Variants in GALNT9 observed in about 807,000 individuals in gnomAD.
The protein encoded by GALNT9 is GalNAc transferase 9.
A neutral mutation model predicts 63.1 loss-of-function variants in GALNT9; 47 were observed. That is an observed-to-expected ratio of 0.75 (90% CI 0.59 to 0.95). The LOEUF (loss-of-function observed/expected upper bound fraction) is 0.95. Among genes scored for constraint, GALNT9 ranks in the 40% least tolerant of loss-of-function variants. GALNT9 has a pLI of 0.00. For missense variants in GALNT9, 829 were observed against 874.8 expected (o/e 0.95, Z 0.66); for synonymous variants, 396 against 365.7 (o/e 1.08, Z -0.94).
chr12:132,328,427 C>T (rs1456510647), intron 1 of GALNT9, among the ~76,000 whole-genome samples: 5 of 152,182 alleles, frequency 3.3e-5, no homozygotes, highest in Non-Finnish European at 7.4e-5. Context: ...AACGCGGCCT[C>T]GGGCACCCCC....
intron 2 of GALNT9, among the ~76,000 whole-genome samples, chr12:132,267,278 T>G (rs1555240279): frequency 1.3e-5 from 2 of 150,882 alleles, no homozygotes; most frequent in Non-Finnish European, 3.0e-5. Flanking sequence ...CAGGGGTGGA[T>G]GGGGTGGGCT....
In GALNT9 at chr12:132,228,354, C is replaced by T. The variant is rs931683382; in HGVS notation, c.1077+19556G>A. On this transcript the variant is annotated intron_variant, in intron 6 of 10. Transcript: ENST00000328957. Reference sequence around the variant, plus strand: ...GCGGGGCGGCCCGTCAGCACCTCCTCGCTCCCTCCCCAGAGGAAGGGTGAT... The same window carrying T: ...GCGGGGCGGCCCGTCAGCACCTCCTTGCTCCCTCCCCAGAGGAAGGGTGAT... Among the ~76,000 whole-genome samples the T allele has an allele frequency of 4.6e-4, 66 of 143,154 alleles. 2 individuals carry two copies. The highest frequency in any genetic ancestry group is 1.6e-3 in the South Asian group (7 of 4,278). The allele number at this position is 143,154 out of a possible 152,430, so 93.9% of individuals were successfully genotyped here. A position where few individuals can be genotyped will look rare whatever the true frequency, so the allele number is the denominator to read the frequency against.
intron 1 of GALNT9, among the ~76,000 whole-genome samples, chr12:132,289,802 G>A (rs1377889790): frequency 2.6e-5 from 4 of 152,196 alleles, no homozygotes; most frequent in African/African-American, 4.8e-5. Context: ...TGGTCCAGAC[G>A]CTGCTGCCCA....
intron 2 of GALNT9, among the ~76,000 whole-genome samples, chr12:132,264,755 C>T (rs1420851388): frequency 6.6e-6 from 1 of 152,192 alleles, no homozygotes; most frequent in East Asian, 1.9e-4. Flanking sequence ...CTCAGATTGG[C>T]TTATGCTCCA....
chr12:132,309,723 C>T (rs1881745018), intron 1 of GALNT9, among the ~76,000 whole-genome samples: 1 of 152,204 alleles, frequency 6.6e-6, no homozygotes. Flanking sequence ...TTCCGGCCTC[C>T]AGAACAGAGA....
At chr12:132,320,979 G>A (rs1041788341) in intron 1 of GALNT9, among the ~76,000 whole-genome samples, 3 of 152,178 alleles carry the variant, frequency 2.0e-5, no homozygotes, top group African/African-American at 7.2e-5. Context: ...GAACCCAGGC[G>A]GTCGACGCCA....
chr12:132,202,166 C>T (rs1308540524), intron 7 of GALNT9, among the ~76,000 whole-genome samples: 1 of 152,244 alleles, frequency 6.6e-6, no homozygotes, highest in African/African-American at 2.4e-5. Flanking sequence ...TTTTAATCAG[C>T]CAAGGGGCTC....
chr12:132,293,825 A>T (rs1346336156), intron 1 of GALNT9, among the ~76,000 whole-genome samples: 1 of 152,046 alleles, frequency 6.6e-6, no homozygotes, highest in East Asian at 1.9e-4. Flanking sequence ...GGCCAGAACG[A>T]GAAGCCGGGG....
intron 2 of GALNT9, among the ~76,000 whole-genome samples, chr12:132,262,831 G>A (rs942362433): frequency 2.6e-5 from 4 of 151,976 alleles, no homozygotes; most frequent in East Asian, 1.9e-4. Flanking sequence ...GAGGGACCCC[G>A]GGAGCCAGGT....
At chr12:132,206,512 T>C (rs1484705190) in intron 6 of GALNT9, among the ~76,000 whole-genome samples, 1 of 152,088 alleles carries the variant, frequency 6.6e-6, no homozygotes, top group Non-Finnish European at 1.5e-5. Context: ...CTGGGCATGG[T>C]GGCAGATGCC....
At chr12:132,325,963 T>C (rs115758005) in intron 1 of GALNT9, among the ~76,000 whole-genome samples, 5,274 of 152,350 alleles carry the variant, frequency 0.035, 281 homozygotes, top group African/African-American at 0.12. Flanking sequence ...CCGTGCTCCC[T>C]GGCGGTGACC....
intron 2 of GALNT9, among the ~76,000 whole-genome samples, chr12:132,269,926 T>C (rs547089666): frequency 3.7e-4 from 57 of 152,346 alleles, no homozygotes; most frequent in Non-Finnish European, 6.9e-4. Flanking sequence ...ACAAACAGCT[T>C]TGAGGCCTGA....
At chr12:132,215,794 G>C (rs920219445) in intron 6 of GALNT9, among the ~76,000 whole-genome samples, 4 of 152,140 alleles carry the variant, frequency 2.6e-5, no homozygotes, top group Admixed American at 1.3e-4. Context: ...ATGGGACCCA[G>C]CACGGGACCC....
At chr12:132,228,411 C>A (rs994816497) in intron 6 of GALNT9, among the ~76,000 whole-genome samples, 13 of 122,518 alleles carry the variant, frequency 1.1e-4, no homozygotes, top group African/African-American at 1.6e-4. Flanking sequence ...CAGGGCGGCC[C>A]GTCAGCACCT....
chr12:132,302,669 A>G (rs534107389), intron 1 of GALNT9, among the ~76,000 whole-genome samples: 32 of 152,360 alleles, frequency 2.1e-4, no homozygotes, highest in African/African-American at 7.5e-4. Flanking sequence ...AGCCCAGGGC[A>G]GCCGCTTCCA....
chr12:132,311,388 G>A (rs1881807432), intron 1 of GALNT9, among the ~76,000 whole-genome samples: 1 of 152,224 alleles, frequency 6.6e-6, no homozygotes, highest in African/African-American at 2.4e-5. Flanking sequence ...CTCGGCGTTA[G>A]AGGAGCAGCA....
chr12:132,311,449 A>C (rs977122735), intron 1 of GALNT9, among the ~76,000 whole-genome samples: 3 of 152,220 alleles, frequency 2.0e-5, no homozygotes, highest in Non-Finnish European at 4.4e-5. Context: ...CCAGGAGCCT[A>C]GAGGAGCAAA....
rs139933278 is a variant in GALNT9 at position 132,273,245 on chromosome 12, C to T, written c.420-10620G>A. Reference sequence around the variant, plus strand: ...TCAAGCAATTCTCCTGCCTCACCCTCCCGAGTAGCTGAGATTACAGGTGGG... The same window carrying T: ...TCAAGCAATTCTCCTGCCTCACCCTTCCGAGTAGCTGAGATTACAGGTGGG... On this transcript the variant is annotated intron_variant, in intron 2 of 10. Transcript: ENST00000328957. 7.6e-3 allele frequency: 1,159 copies of T among 152,628 alleles called. 2 individuals carry two copies. Among genetic ancestry groups the T allele is most frequent in the Non-Finnish European group, 0.013 (876 of 68,242 alleles). The allele number at this position is 152,628 out of a possible 1,614,324, so 9.5% of individuals were successfully genotyped here.
intron 1 of GALNT9, among the ~76,000 whole-genome samples, chr12:132,297,283 G>T (rs535117715): frequency 2.9e-5 from 4 of 139,146 alleles, no homozygotes; most frequent in African/African-American, 8.3e-5. Context: ...TCAAGACACT[G>T]CCAAGATAAC....
Sources: allele counts gnomAD v4.1 joint callset (sites outside exome capture counted in the v4.1 genomes callset), GRCh38; gene constraint gnomAD v4.1.1; transcripts MANE v1.5; gene names NCBI Gene and HGNC (gene_info 2026-07-23, HGNC 2026-07-21).